Variants in VWC2 observed in about 807,000 individuals in gnomAD.
VWC2 encodes the protein von Willebrand factor C domain containing 2, also known as brorin.
In VWC2, 14 loss-of-function variants were observed where a neutral mutation model predicts 29.8. That is an observed-to-expected ratio of 0.47 (90% CI 0.31 to 0.74). The LOEUF is 0.74. VWC2 is among the 30% of genes least tolerant of loss of function. The pLI is 0.05. For synonymous variants in VWC2, 213 were observed against 199.0 expected (o/e 1.07, Z -0.59); for missense variants, 457 against 459.8 (o/e 0.99, Z 0.05).
At chr7:49,804,371 C>A (rs542992203) in intron 3 of VWC2, among the ~76,000 whole-genome samples, 9 of 151,982 alleles carry the variant, frequency 5.9e-5, no homozygotes, top group African/African-American at 2.2e-4. Flanking sequence ...CCCGAGTGAG[C>A]GCCTCTGGTC....
At chr7:49,897,000 A>C (rs1274826459) in intron 3 of VWC2, among the ~76,000 whole-genome samples, 1 of 146,230 alleles carries the variant, frequency 6.8e-6, no homozygotes, top group Non-Finnish European at 1.5e-5. Flanking sequence ...GGTTCACGCC[A>C]TTCTCCTGCC....
chr7:49,874,776 A>G (rs1444964982), intron 3 of VWC2, among the ~76,000 whole-genome samples: 1 of 152,170 alleles, frequency 6.6e-6, no homozygotes, highest in Non-Finnish European at 1.5e-5. Flanking sequence ...GTGATGAGAG[A>G]CCAGGAGCCT....
At chr7:49,899,797 C>T (rs1792612790) in intron 3 of VWC2, among the ~76,000 whole-genome samples, 1 of 151,864 alleles carries the variant, frequency 6.6e-6, no homozygotes, top group Admixed American at 6.6e-5. Flanking sequence ...ACATAGTTGA[C>T]CTGAAGAGTA....
Position 49,775,768 on chromosome 7 carries a change from C to T in VWC2, c.333C>T (p.Val111=). The T allele has an allele frequency of 6.6e-7, 1 of 1,517,288 alleles. No individual in the cohort carries two copies. The highest frequency in any genetic ancestry group is 8.8e-7 in the Non-Finnish European group (1 of 1,134,218). 94.0% of individuals were successfully genotyped at this position (1,517,288 alleles called of 1,614,324 possible). A position where few individuals can be genotyped will look rare whatever the true frequency, so the allele number is the denominator to read the frequency against. Residue 111 remains valine (V), a synonymous_variant, in exon 2 of 4, where the codon GTC becomes GTT. Transcript: ENST00000340652. The part of the protein sequence containing the change: ...GGGAKAGDLQ[V]RPRGDTPQAE... ...GCGCCAAGGCCGGGGATCTGCAGGTCCGGCCCCGCGGGGACACCCCGCAGG... is the reference window on the plus strand; with the variant it reads ...GCGCCAAGGCCGGGGATCTGCAGGTTCGGCCCCGCGGGGACACCCCGCAGG...
chr7:49,790,849 G>A (rs1383827653), intron 2 of VWC2, among the ~76,000 whole-genome samples: 1 of 151,954 alleles, frequency 6.6e-6, no homozygotes, highest in East Asian at 1.9e-4. Flanking sequence ...ACGGGGGAGA[G>A]GTTTAGTTCC....
At chr7:49,857,009 C>CAAAAAAAAAAAA (rs59910243) in intron 3 of VWC2, among the ~76,000 whole-genome samples, 27 of 52,786 alleles carry the variant, frequency 5.1e-4, no homozygotes, top group South Asian at 3.1e-3. Context: ...GATACTGTCT[C>CAAAAAAAAAAAA]AAAAAAAAAA....
At chr7:49,814,425 T>G (rs948237342) in intron 3 of VWC2, among the ~76,000 whole-genome samples, 2 of 152,206 alleles carry the variant, frequency 1.3e-5, no homozygotes, top group African/African-American at 4.8e-5. Context: ...GAATTTAATT[T>G]GTTTTTTATC....
At chr7:49,847,137 T>G (rs1267359047) in intron 3 of VWC2, among the ~76,000 whole-genome samples, 2 of 151,830 alleles carry the variant, frequency 1.3e-5, no homozygotes, top group African/African-American at 4.8e-5. Context: ...ATAGGTGTAT[T>G]TTAAAAGGGT....
chr7:49,890,780 G>A (rs1190306699), intron 3 of VWC2, among the ~76,000 whole-genome samples: 1 of 151,824 alleles, frequency 6.6e-6, no homozygotes, highest in Admixed American at 6.6e-5. Flanking sequence ...AGGACTTGAA[G>A]GTCTAGCTCT....
intron 3 of VWC2, among the ~76,000 whole-genome samples, chr7:49,880,707 AG>A: frequency 6.6e-6 from 1 of 152,074 alleles, no homozygotes. Context: ...GGGAAGGGAT[AG>A]CATTAGGAGA....
chr7:49,815,655 T>C (rs1221891337), intron 3 of VWC2, among the ~76,000 whole-genome samples: 1 of 152,216 alleles, frequency 6.6e-6, no homozygotes, highest in Non-Finnish European at 1.5e-5. Flanking sequence ...TGAAGACCCT[T>C]GATGTGAAAA....
intron 3 of VWC2, among the ~76,000 whole-genome samples, chr7:49,804,642 A>AT (rs200492491): frequency 9.2e-5 from 14 of 151,794 alleles, no homozygotes; most frequent in African/African-American, 3.1e-4. Flanking sequence ...CAACCCCTGG[A>AT]TTTTTTTTTC....
At position 49,786,670 on chromosome 7, in the gene VWC2, C is replaced by T. The variant is rs1788305903; in HGVS notation, c.696+10539C>T. On this transcript the variant is annotated intron_variant, in intron 2 of 3. Transcript: ENST00000340652. ...TTATTTTGTGACCTTTTAATAATAG[C>T]CATTCTGACTGGTGTGAGATAGTAT... 2.6e-5 allele frequency among the ~76,000 whole-genome samples: 4 copies of T among 152,096 alleles called. No individual in the cohort carries two copies. The South Asian group carries it at 8.3e-4, about 32-fold the overall frequency.
At chr7:49,840,681 A>C (rs1174984698) in intron 3 of VWC2, among the ~76,000 whole-genome samples, 2 of 152,210 alleles carry the variant, frequency 1.3e-5, no homozygotes, top group African/African-American at 4.8e-5. Flanking sequence ...AAATTGCTTC[A>C]GTGCAGCTTC....
intron 3 of VWC2, among the ~76,000 whole-genome samples, chr7:49,839,690 G>A (rs759872409): frequency 2.7e-4 from 41 of 152,292 alleles, no homozygotes; most frequent in Non-Finnish European, 5.9e-4. Flanking sequence ...GACTATGTAT[G>A]TTGGATCCAT....
At chr7:49,782,740 G>A (rs2128701831) in intron 2 of VWC2, among the ~76,000 whole-genome samples, 1 of 151,416 alleles carries the variant, frequency 6.6e-6, no homozygotes. Context: ...TGTAGACCCA[G>A]CTACTTGAGA....
At chr7:49,905,810 G>T (rs759145810) in intron 3 of VWC2, among the ~76,000 whole-genome samples, 10 of 152,186 alleles carry the variant, frequency 6.6e-5, no homozygotes, top group Non-Finnish European at 1.2e-4. Context: ...TAAAGCCCTT[G>T]CTGATAAAAC....
intron 2 of VWC2, among the ~76,000 whole-genome samples, chr7:49,781,307 C>G (rs1788172570): frequency 6.6e-6 from 1 of 151,978 alleles, no homozygotes; most frequent in Non-Finnish European, 1.5e-5. Context: ...GTGTTCCTAA[C>G]TCAGGTGGGG....
In VWC2 at chr7:49,907,429, A is replaced by C. The variant is rs370934454; in HGVS notation, c.827-4605A>C. On this transcript the variant is annotated intron_variant, in intron 3 of 3. Coordinates refer to ENST00000340652, the MANE Select transcript of VWC2 (RefSeq NM_198570.5). ...ATTAATTACTAGGAATGACATTTGCATTGTAATTTTTAAATTACATAACAG... is the reference window on the plus strand; with the variant it reads ...ATTAATTACTAGGAATGACATTTGCCTTGTAATTTTTAAATTACATAACAG... 6.6e-5 allele frequency among the ~76,000 whole-genome samples: 10 copies of C among 152,342 alleles called. No homozygotes were observed. In the East Asian group the frequency reaches 1.5e-3, roughly 24 times the overall value.
Sources: allele counts gnomAD v4.1 joint callset (sites outside exome capture counted in the v4.1 genomes callset), GRCh38; gene constraint gnomAD v4.1.1; transcripts MANE v1.5; gene names NCBI Gene and HGNC (gene_info 2026-07-23, HGNC 2026-07-21).